Variants in OTC observed in about 807,000 individuals in gnomAD.
The protein encoded by OTC is ornithine transcarbamylase.
In OTC, 3 loss-of-function variants were observed where a neutral mutation model predicts 30.3. The observed-to-expected ratio is 0.10, with a 90% CI of 0.05 to 0.26. The LOEUF (loss-of-function observed/expected upper bound fraction) is 0.26. Ranked by LOEUF, OTC falls within the 10% of genes least tolerant of loss-of-function variation. The pLI is 1.00. For synonymous variants in OTC, 111 were observed against 99.7 expected, an observed-to-expected ratio of 1.11 and a Z score of -0.67; for missense variants, 194 against 260.3, an observed-to-expected ratio of 0.75 and a Z score of 1.75.
rs2068528382 is a variant in OTC at position 38,408,777 on chromosome X, A to C, written c.699A>C (p.Ala233=). ...CGGATGCTAGTGTAACCAAGTTGGC[A>C]GAGCAGTATGCCAAAGAGGTATGCT... ...YEPDASVTKL[A]EQYAKENGTK... is the part of the protein sequence containing the mutation. The change falls in exon 7 of 10, where the codon GCA becomes GCC. Residue 233 remains alanine (A), a synonymous_variant. Coordinates refer to ENST00000039007, the MANE Select transcript of OTC (RefSeq NM_000531.6). 3.3e-6 allele frequency: 4 copies of C among 1,206,650 alleles called. No individual in the cohort carries two copies. The highest frequency in any genetic ancestry group is 4.5e-6 in the Non-Finnish European group (4 of 890,602).
the OTC span, among the ~76,000 whole-genome samples, chrX:38,334,931 A>G: frequency 8.9e-6 from 1 of 111,757 alleles, no homozygotes; most frequent in Non-Finnish European, 1.9e-5. Flanking sequence ...CACAAACCCC[A>G]TAGTGAACTG....
the OTC span, among the ~76,000 whole-genome samples, chrX:38,330,644 C>T: frequency 0.032 from 3,583 of 111,708 alleles, 96 homozygotes; most frequent in African/African-American, 0.091. Context: ...GTGTGTGGAC[C>T]CTTGAGGGTC....
chrX:38,412,510 G>A (rs1419580550), intron 9 of OTC, among the ~76,000 whole-genome samples: 1 of 111,911 alleles, frequency 8.9e-6, no homozygotes, highest in Admixed American at 9.5e-5. Context: ...AAATTTCATG[G>A]CAAAACTTAT....
At chrX:38,399,338 G>T in intron 4 of OTC, among the ~76,000 whole-genome samples, 1 of 111,026 alleles carries the variant, frequency 9.0e-6, no homozygotes, top group Admixed American at 9.7e-5. Context: ...TTGGCAGCAC[G>T]TTACAATATA....
intron 8 of OTC, among the ~76,000 whole-genome samples, chrX:38,411,216 T>C (rs2068540089): frequency 9.0e-6 from 1 of 110,621 alleles, no homozygotes; most frequent in African/African-American, 3.3e-5. Flanking sequence ...TTTTTAAATA[T>C]AGTGGACTAT....
intron 4 of OTC, among the ~76,000 whole-genome samples, chrX:38,384,861 A>G (rs547463629): frequency 1.1e-4 from 12 of 112,617 alleles, no homozygotes; most frequent in African/African-American, 3.9e-4. Context: ...GTTAAATGCA[A>G]TTTCCATAGT....
At chrX:38,394,685 A>C (rs1182160382) in intron 4 of OTC, among the ~76,000 whole-genome samples, 3 of 111,426 alleles carry the variant, frequency 2.7e-5, no homozygotes, top group African/African-American at 9.8e-5. Context: ...TTTTAAAGAG[A>C]CCATTTTAAT....
Position 38,352,676 on chromosome X carries a change from C to T in OTC, c.-21C>T. ...GGAGTTTTCAAGGGCATAGAATCGT[C>T]CTTTACACAATTAAAAGAAGATGCT... On this transcript the variant is annotated 5_prime_UTR_variant, in exon 1 of 10. Transcript: ENST00000039007. 8.6e-7 allele frequency: 1 copy of T among 1,162,762 alleles called. No individual in the cohort carries two copies. The highest frequency in any genetic ancestry group is 1.8e-5 in the South Asian group (1 of 55,859).
the OTC span, among the ~76,000 whole-genome samples, chrX:38,331,117 G>A: frequency 8.4e-4 from 94 of 112,082 alleles, no homozygotes; most frequent in Non-Finnish European, 1.2e-3. Context: ...TCTCAAATAC[G>A]CAGAGGCTGA....
At chrX:38,386,202 G>A (rs888243880) in intron 4 of OTC, among the ~76,000 whole-genome samples, 6 of 107,762 alleles carry the variant, frequency 5.6e-5, no homozygotes, top group African/African-American at 1.4e-4. Flanking sequence ...GTGAAATCCC[G>A]TCTCTACTAA....
intron 4 of OTC, among the ~76,000 whole-genome samples, chrX:38,398,092 T>A (rs746588320): frequency 3.4e-4 from 38 of 112,078 alleles, no homozygotes; most frequent in African/African-American, 1.1e-3. Flanking sequence ...ATCTTTTGAC[T>A]GCTTTGCTTC....
chrX:38,392,323 A>T (rs2068432918), intron 4 of OTC, among the ~76,000 whole-genome samples: 1 of 111,838 alleles, frequency 8.9e-6, no homozygotes, highest in South Asian at 3.7e-4. Flanking sequence ...AAATGAAAAG[A>T]GGGTAAAATG....
chrX:38,333,756 T>A, the OTC span, among the ~76,000 whole-genome samples: 1 of 112,787 alleles, frequency 8.9e-6, no homozygotes, highest in Non-Finnish European at 1.9e-5. Context: ...CTTGCAATTT[T>A]AAGTAGCATT....
chrX:38,409,106 G>T (rs1029777254), intron 8 of OTC, 81 bp downstream of exon 8: 2 of 1,001,705 alleles, frequency 2.0e-6, no homozygotes, highest in African/African-American at 3.8e-5. Flanking sequence ...TCACTTTAGG[G>T]GGAGCAGACT....
At chrX:38,403,515 G>A in intron 5 of OTC, 103 bp from the exon 6 acceptor site, 2 of 883,852 alleles carry the variant, frequency 2.3e-6, no homozygotes, top group East Asian at 3.1e-5. Context: ...CTTCTAACAA[G>A]GCACTAATAC....
chrX:38,340,273 G>A, the OTC span, among the ~76,000 whole-genome samples: 22,758 of 110,322 alleles, frequency 0.21, 1,986 homozygotes, highest in African/African-American at 0.32. Context: ...AAGTCCCCAA[G>A]CTTCCCCAGA....
the OTC span, among the ~76,000 whole-genome samples, chrX:38,345,544 ATT>A: frequency 4.8e-4 from 48 of 99,615 alleles, no homozygotes; most frequent in Admixed American, 1.4e-3. Flanking sequence ...CCTAAACCAT[ATT>A]TTTTTTTTTT....
intron 4 of OTC, among the ~76,000 whole-genome samples, chrX:38,399,311 A>C (rs1343078516): frequency 9.0e-6 from 1 of 111,135 alleles, no homozygotes; most frequent in Non-Finnish European, 1.9e-5. Context: ...GCAAGGTGCT[A>C]GCTTTGGTTC....
At chrX:38,354,295 A>G (rs1329764329) in intron 1 of OTC, among the ~76,000 whole-genome samples, 1 of 111,958 alleles carries the variant, frequency 8.9e-6, no homozygotes, top group African/African-American at 3.2e-5. Context: ...TGACAGACCA[A>G]TGTTCATTAT....
Sources: gnomAD v4.1 joint callset for allele counts (sites outside exome capture counted in the v4.1 genomes callset) on GRCh38, gnomAD v4.1.1 for gene constraint, MANE v1.5 for transcripts, NCBI Gene and HGNC (gene_info 2026-07-23, HGNC 2026-07-21) for gene names.